The following BMAL1 variants were observed in gnomAD, a reference collection of about 807,000 sequenced individuals.
BMAL1 encodes the protein basic helix-loop-helix ARNT-like protein 1.
At chr11:13,378,433 T>C in the BMAL1 span, 2 of 1,612,316 alleles carry the variant, frequency 1.2e-6, no homozygotes, top group Admixed American at 1.7e-5. Flanking sequence ...GAGGAAATCA[T>C]GGAAATCCAC....
chr11:13,289,045 T>C, the BMAL1 span, among the ~76,000 whole-genome samples: 1 of 152,238 alleles, frequency 6.6e-6, no homozygotes, highest in Non-Finnish European at 1.5e-5. Context: ...TTAGTCACCA[T>C]ATAGCCAAAG....
chr11:13,356,347 C>T, the BMAL1 span: 1 of 478,324 alleles, frequency 2.1e-6, no homozygotes, highest in East Asian at 6.4e-5. Context: ...GTTTTGCAAA[C>T]AGAATAAGCT....
the BMAL1 span, among the ~76,000 whole-genome samples, chr11:13,364,655 G>A: frequency 6.6e-6 from 1 of 152,210 alleles, no homozygotes; most frequent in Non-Finnish European, 1.5e-5. Context: ...AAGGCAGTGG[G>A]TGGGATTCAC....
At chr11:13,309,628 G>T in the BMAL1 span, among the ~76,000 whole-genome samples, 1 of 152,232 alleles carries the variant, frequency 6.6e-6, no homozygotes, top group East Asian at 1.9e-4. Flanking sequence ...TCATCTAAGT[G>T]CCCGTAGTGT....
At chr11:13,291,937 G>A in the BMAL1 span, among the ~76,000 whole-genome samples, 3 of 152,084 alleles carry the variant, frequency 2.0e-5, no homozygotes, top group East Asian at 1.9e-4. Context: ...GTTGGCCATC[G>A]AGTTCTTGGT....
the BMAL1 span, among the ~76,000 whole-genome samples, chr11:13,319,854 G>A: frequency 4.6e-5 from 7 of 152,198 alleles, no homozygotes; most frequent in African/African-American, 1.7e-4. Flanking sequence ...GCCCTGCCAG[G>A]GAGTGCCAGG....
At chr11:13,355,098 A>G in the BMAL1 span, 2 of 711,762 alleles carry the variant, frequency 2.8e-6, no homozygotes, top group Non-Finnish European at 4.7e-6. Context: ...TCAAAGGCAC[A>G]TTTTGTTTTG....
chr11:13,320,455 G>A, the BMAL1 span, among the ~76,000 whole-genome samples: 185 of 152,308 alleles, frequency 1.2e-3, no homozygotes, highest in Non-Finnish European at 1.5e-3. Flanking sequence ...ACAGACCTGG[G>A]TTCAAATCCT....
the BMAL1 span, among the ~76,000 whole-genome samples, chr11:13,298,991 C>G: frequency 6.6e-6 from 1 of 152,138 alleles, no homozygotes; most frequent in Non-Finnish European, 1.5e-5. Context: ...GTCTGCGCCC[C>G]CAGCTGGCAT....
the BMAL1 span, among the ~76,000 whole-genome samples, chr11:13,278,637 C>A: frequency 6.6e-6 from 1 of 152,192 alleles, no homozygotes; most frequent in African/African-American, 2.4e-5. Flanking sequence ...TTCGTGGGGC[C>A]TGTGCCGTCC....
At chr11:13,368,036 C>A in the BMAL1 span, among the ~76,000 whole-genome samples, 1 of 152,218 alleles carries the variant, frequency 6.6e-6, no homozygotes, top group South Asian at 2.1e-4. Flanking sequence ...TTACAGCACA[C>A]CGCTTGTTCC....
chr11:13,312,005 C>T, the BMAL1 span, among the ~76,000 whole-genome samples: 4 of 152,096 alleles, frequency 2.6e-5, no homozygotes, highest in African/African-American at 9.7e-5. Context: ...AATTTGTGCT[C>T]TGAGTATTTT....
the BMAL1 span, among the ~76,000 whole-genome samples, chr11:13,286,246 C>T: frequency 4.6e-5 from 7 of 152,142 alleles, no homozygotes; most frequent in Admixed American, 4.6e-4. Flanking sequence ...ATCATAGGAC[C>T]CATTTACCTC....
At chr11:13,324,891 T>A in the BMAL1 span, among the ~76,000 whole-genome samples, 1 of 152,182 alleles carries the variant, frequency 6.6e-6, no homozygotes, top group East Asian at 1.9e-4. Context: ...GTCAGCACTT[T>A]TATTTTAGAA....
chr11:13,313,025 G>C, the BMAL1 span, among the ~76,000 whole-genome samples: 1 of 152,206 alleles, frequency 6.6e-6, no homozygotes, highest in African/African-American at 2.4e-5. Context: ...GAGCTCGTTG[G>C]GGGTAAAATC....
chr11:13,288,290 A>G, the BMAL1 span, among the ~76,000 whole-genome samples: 1 of 152,094 alleles, frequency 6.6e-6, no homozygotes, highest in Non-Finnish European at 1.5e-5. Context: ...TGGTAGATCC[A>G]GGCTTAAAAT....
At chr11:13,361,454 A>G in the BMAL1 span, among the ~76,000 whole-genome samples, 17 of 152,208 alleles carry the variant, frequency 1.1e-4, no homozygotes, top group Admixed American at 1.1e-3. Context: ...CCTTACCTGC[A>G]CAGCCAACAG....
the BMAL1 span, among the ~76,000 whole-genome samples, chr11:13,384,877 A>G: frequency 6.6e-6 from 1 of 152,222 alleles, no homozygotes; most frequent in African/African-American, 2.4e-5. Context: ...GTAAATATTG[A>G]TAAATACAGC....
chr11:13,297,583 C>T, the BMAL1 span, among the ~76,000 whole-genome samples: 425 of 152,252 alleles, frequency 2.8e-3, 1 homozygote, highest in Middle Eastern at 6.8e-3. Flanking sequence ...GATAGGCCTT[C>T]GCCCATTGCC....
Sources: allele counts gnomAD v4.1 joint callset (sites outside exome capture counted in the v4.1 genomes callset), GRCh38; gene constraint gnomAD v4.1.1; transcripts MANE v1.5; gene names NCBI Gene and HGNC (gene_info 2026-07-23, HGNC 2026-07-21).